KIAA1217: variants seen among roughly 807,000 people sequenced by gnomAD.
KIAA1217 encodes the protein KIAA1217.
In KIAA1217, 88 loss-of-function variants were observed where a neutral mutation model predicts 163.9. That is an observed-to-expected ratio of 0.54 (90% CI 0.45 to 0.64). KIAA1217 has a LOEUF of 0.64. Among genes scored for constraint, KIAA1217 ranks in the 30% least tolerant of loss-of-function variants. The pLI is 0.00. For missense variants in KIAA1217, 2,372 were observed against 2,475.0 expected (o/e 0.96, Z 0.88); for synonymous variants, 903 against 923.1 (o/e 0.98, Z 0.39).
chr10:24,409,491 G>A (rs1281108553), intron 3 of KIAA1217, among the ~76,000 whole-genome samples: 1 of 152,110 alleles, frequency 6.6e-6, no homozygotes, highest in Non-Finnish European at 1.5e-5. Flanking sequence ...GAACATTTTA[G>A]GGTGATGCAG....
chr10:23,853,275 G>A (rs1361133177), intron 1 of KIAA1217, among the ~76,000 whole-genome samples: 3 of 152,138 alleles, frequency 2.0e-5, no homozygotes, highest in Non-Finnish European at 4.4e-5. Context: ...AGATAATCAT[G>A]CGGTTTTTGT....
intron 2 of KIAA1217, among the ~76,000 whole-genome samples, chr10:24,171,380 C>A (rs1213206769): frequency 2.0e-5 from 3 of 152,162 alleles, no homozygotes; most frequent in African/African-American, 4.8e-5. Flanking sequence ...ACAAAGTCTT[C>A]ATGAAATACT....
intron 2 of KIAA1217, among the ~76,000 whole-genome samples, chr10:24,127,879 A>G (rs2063520983): frequency 6.6e-6 from 1 of 152,224 alleles, no homozygotes; most frequent in African/African-American, 2.4e-5. Flanking sequence ...TTTGCCCTAA[A>G]ATTCTCTTTG....
intron 1 of KIAA1217, among the ~76,000 whole-genome samples, chr10:23,993,139 C>A (rs1373385579): frequency 6.8e-6 from 1 of 146,834 alleles, no homozygotes; most frequent in Non-Finnish European, 1.5e-5. Flanking sequence ...TCAAGCAATT[C>A]TCCTGCCTCA....
At chr10:24,212,462 G>T (rs915452735) in intron 1 of KIAA1217, among the ~76,000 whole-genome samples, 1 of 152,212 alleles carries the variant, frequency 6.6e-6, no homozygotes. Context: ...GATTGAATCT[G>T]TGTGCAGAAG....
At chr10:24,436,145 C>T (rs1455866870) in intron 4 of KIAA1217, among the ~76,000 whole-genome samples, 1 of 151,842 alleles carries the variant, frequency 6.6e-6, no homozygotes, top group African/African-American at 2.4e-5. Flanking sequence ...ATAAGCGTGA[C>T]CCACTGCTCC....
intron 1 of KIAA1217, among the ~76,000 whole-genome samples, chr10:23,850,676 G>A (rs762820990): frequency 6.6e-6 from 1 of 152,086 alleles, no homozygotes; most frequent in Non-Finnish European, 1.5e-5. Context: ...GAAACTCCCT[G>A]TATTAGTCTG....
At chr10:24,219,560 G>C (rs2069303373) in intron 1 of KIAA1217, 66 bp from the exon 2 acceptor site, 1 of 1,334,292 alleles carries the variant, frequency 7.5e-7, no homozygotes, top group Non-Finnish European at 1.0e-6. Flanking sequence ...AACCCTCTTG[G>C]TGTTCTGCAA....
intron 2 of KIAA1217, among the ~76,000 whole-genome samples, chr10:24,065,000 T>A (rs1015825554): frequency 7.2e-5 from 11 of 152,214 alleles, no homozygotes; most frequent in Admixed American, 1.3e-4. Context: ...ACCTTTGTCA[T>A]TTTTTATTGC....
intron 1 of KIAA1217, among the ~76,000 whole-genome samples, chr10:23,832,260 T>G (rs1838240290): frequency 6.6e-6 from 1 of 152,220 alleles, no homozygotes; most frequent in African/African-American, 2.4e-5. Flanking sequence ...ACACAATTAC[T>G]GGTCTATTAT....
chr10:23,926,103 T>G (rs1268680339), intron 1 of KIAA1217, among the ~76,000 whole-genome samples: 1 of 152,012 alleles, frequency 6.6e-6, no homozygotes, highest in Non-Finnish European at 1.5e-5. Flanking sequence ...TCAGCTCAGG[T>G]GCATTGGTCC....
intron 2 of KIAA1217, among the ~76,000 whole-genome samples, chr10:24,042,974 G>A (rs1848723010): frequency 6.6e-6 from 1 of 152,168 alleles, no homozygotes; most frequent in Admixed American, 6.5e-5. Flanking sequence ...TCATTGAAAA[G>A]CGTGATAAAA....
chr10:24,079,821 T>C (rs2061483859), intron 2 of KIAA1217, among the ~76,000 whole-genome samples: 1 of 152,172 alleles, frequency 6.6e-6, no homozygotes, highest in Non-Finnish European at 1.5e-5. Flanking sequence ...CACAACTGAA[T>C]TGAAACACTG....
At chr10:24,377,667 G>C (rs1254207843) in intron 2 of KIAA1217, among the ~76,000 whole-genome samples, 1 of 151,914 alleles carries the variant, frequency 6.6e-6, no homozygotes, top group Non-Finnish European at 1.5e-5. Flanking sequence ...CAACATCCTT[G>C]TATTGTAACC....
chr10:23,899,781 T>G (rs1841878139), intron 1 of KIAA1217, among the ~76,000 whole-genome samples: 1 of 152,112 alleles, frequency 6.6e-6, no homozygotes. Flanking sequence ...ATGTGTGTGT[T>G]TGTGTGTGTA....
chr10:24,511,188 A>G (rs931127107), intron 9 of KIAA1217, among the ~76,000 whole-genome samples: 3 of 137,534 alleles, frequency 2.2e-5, no homozygotes, highest in Admixed American at 7.4e-5. Flanking sequence ...CCTGGCCCCT[A>G]TGAAGAACTG....
At chr10:24,418,377 C>T (rs564169235) in intron 3 of KIAA1217, among the ~76,000 whole-genome samples, 82 of 152,236 alleles carry the variant, frequency 5.4e-4, no homozygotes, top group African/African-American at 1.8e-3. Flanking sequence ...ATCTTTCTCC[C>T]CCAACTTGAG....
intron 2 of KIAA1217, among the ~76,000 whole-genome samples, chr10:24,183,173 T>A (rs10764452): frequency 0.72 from 109,832 of 152,114 alleles, 39,937 homozygotes; most frequent in Middle Eastern, 0.8. Flanking sequence ...TGCAGCACAA[T>A]AGCCCTCACC....
chr10:24,282,878 G>A (rs187486815), intron 2 of KIAA1217, among the ~76,000 whole-genome samples: 6 of 139,002 alleles, frequency 4.3e-5, no homozygotes, highest in Non-Finnish European at 9.1e-5. Flanking sequence ...TTGTTGCCCA[G>A]GCTGGAGTGC....
Sources: allele counts gnomAD v4.1 joint callset (sites outside exome capture counted in the v4.1 genomes callset), GRCh38; gene constraint gnomAD v4.1.1; transcripts MANE v1.5; gene names NCBI Gene and HGNC (gene_info 2026-07-23, HGNC 2026-07-21).